Variants in PTGES3 observed in about 807,000 individuals in gnomAD.
The protein encoded by PTGES3 is prostaglandin E synthase 3, also known as Hsp90 co-chaperone.
In PTGES3, 5 loss-of-function variants were observed where a neutral mutation model predicts 29.9. The observed-to-expected ratio is 0.17, with a 90% CI of 0.09 to 0.35. The LOEUF (loss-of-function observed/expected upper bound fraction) is 0.35. PTGES3 is among the 10% of genes least tolerant of loss of function. The pLI is 1.00. For missense variants in PTGES3, 128 were observed against 190.0 expected (o/e 0.67, Z 1.92); for synonymous variants, 49 against 57.8 (o/e 0.85, Z 0.69).
rs1592295350 is a variant in PTGES3 at position 56,687,925 on chromosome 12, C to T, written c.2+73G>A. 1.0e-5 allele frequency: 16 copies of T among 1,603,436 alleles called. No individual in the cohort carries two copies. The South Asian group carries it at 1.5e-4, about 15-fold the overall frequency. On this transcript the variant is annotated intron_variant, in intron 1 of 7. Coordinates refer to ENST00000262033, the MANE Select transcript of PTGES3 (RefSeq NM_006601.7). ...CACCGATGCGAGAAAGGCTAGGGGG[C>T]CGCTTCCAGGGAGCCCCCAACGCGG...
In PTGES3 at chr12:56,688,027, C is replaced by T. The variant is rs767425892; in HGVS notation, c.-28G>A. The T allele has an allele frequency of 2.6e-6, 4 of 1,523,782 alleles. No homozygotes were observed. Among genetic ancestry groups the T allele is most frequent in the Middle Eastern group, 1.9e-4 (1 of 5,340 alleles). 94.4% of individuals were successfully genotyped at this position (1,523,782 alleles called of 1,614,324 possible). A position where few individuals can be genotyped will look rare whatever the true frequency, so the allele number is the denominator to read the frequency against. On this transcript the variant is annotated 5_prime_UTR_variant, in exon 1 of 8. Transcript: ENST00000262033. ...TGAACGGGGCAGGGGGACGGGCGAA[C>T]TGGTGGGCGGGCCTCTCTGGCGGCG... is the stretch of plus-strand genomic sequence containing the variant.
At chr12:56,665,295 T>C in intron 6 of PTGES3, 1 of 983,372 alleles carries the variant, frequency 1.0e-6, no homozygotes, top group Non-Finnish European at 1.2e-6. Context: ...TTTTTTTTTT[T>C]TTTTTTTTTG....
At chr12:56,673,997 A>G (rs998637699) in intron 1 of PTGES3, among the ~76,000 whole-genome samples, 2 of 152,046 alleles carry the variant, frequency 1.3e-5, no homozygotes, top group Admixed American at 1.3e-4. Context: ...ACACTGGTAC[A>G]TCAGAGCTTC....
At position 56,687,161 on chromosome 12, in the gene PTGES3, T is replaced by C. The variant is rs1952912822; in HGVS notation, c.2+837A>G. On this transcript the variant is annotated intron_variant, in intron 1 of 7. Coordinates refer to ENST00000262033, the MANE Select transcript of PTGES3 (RefSeq NM_006601.7). ...GAATCTGTATTCACCTCCACACAAA[T>C]TTAAGATCTTTGGGACGACTGTAGG... 7 of 1,013,212 alleles carry C rather than the reference T, an allele frequency of 6.9e-6. No individual in the cohort carries two copies. In the South Asian group the frequency reaches 3.5e-4, roughly 50 times the overall value. The allele number at this position is 1,013,212 out of a possible 1,614,324, so 62.8% of individuals were successfully genotyped here.
chr12:56,687,236 T>A, intron 1 of PTGES3: 1 of 1,023,022 alleles, frequency 9.8e-7, no homozygotes, highest in East Asian at 8.6e-5. Flanking sequence ...TGTAACAAGA[T>A]AGTGAAACCT....
chr12:56,686,971 G>A (rs1417146263), intron 1 of PTGES3: 6 of 278,794 alleles, frequency 2.2e-5, no homozygotes, highest in Admixed American at 5.8e-5. Flanking sequence ...TACCTTTTAG[G>A]ACGTAGTTAG....
intron 1 of PTGES3, among the ~76,000 whole-genome samples, chr12:56,680,385 TC>T (rs1325458169): frequency 6.6e-6 from 1 of 150,968 alleles, no homozygotes; most frequent in Non-Finnish European, 1.5e-5. Flanking sequence ...CAATTTTCTT[TC>T]TTTTTTTTTT....
chr12:56,672,994 T>C lies in PTGES3; in HGVS notation c.74A>G (p.Lys25Arg), dbSNP rs141815775. Residue 25 changes from lysine to arginine, a missense_variant, in exon 2 of 8, where the codon AAG becomes AGG. Physicochemically the swap from Lys to Arg is conservative, Grantham distance 26. Coordinates refer to ENST00000262033, the MANE Select transcript of PTGES3 (RefSeq NM_006601.7). ...VFIEFCVEDS[K>R]DVNVNFEKSK... is the part of the protein sequence containing the mutation. The stretch of plus-strand genomic sequence containing the variant: ...TTTTTCAAAATTTACATTAACATCC[T>C]TACTGTCTTCAACACAAAATTCAAT... The C allele has an allele frequency of 5.1e-4, 828 of 1,609,152 alleles. 4 individuals carry two copies. The African/African-American group carries it at 9.3e-3, about 18-fold the overall frequency.
At chr12:56,679,828 C>A (rs1162465392) in intron 1 of PTGES3, among the ~76,000 whole-genome samples, 1 of 151,990 alleles carries the variant, frequency 6.6e-6, no homozygotes, top group Non-Finnish European at 1.5e-5. Context: ...GTGCCTGCCA[C>A]CATGCCCGGC....
At chr12:56,687,820 G>A (rs1359636042) in intron 1 of PTGES3, 178 bp downstream of exon 1, 2 of 1,448,554 alleles carry the variant, frequency 1.4e-6, no homozygotes, top group South Asian at 1.4e-5. Context: ...GACATCTGGA[G>A]GAAAAATGTC....
chr12:56,677,584 T>C (rs1031253662), intron 1 of PTGES3, among the ~76,000 whole-genome samples: 6 of 152,278 alleles, frequency 3.9e-5, no homozygotes, highest in African/African-American at 1.4e-4. Context: ...ATGGAATGTG[T>C]ATGGCTTTTG....
At chr12:56,668,421 TAAAACAA>T (rs963716379) in intron 5 of PTGES3, among the ~76,000 whole-genome samples, 37 of 151,936 alleles carry the variant, frequency 2.4e-4, no homozygotes, top group East Asian at 1.7e-3. Context: ...GATAGCAAAA[TAAAACAA>T]AAAACAAAAA....
intron 3 of PTGES3, among the ~76,000 whole-genome samples, chr12:56,672,525 G>A (rs528745722): frequency 2.6e-5 from 4 of 151,956 alleles, no homozygotes; most frequent in East Asian, 3.9e-4. Flanking sequence ...AAGATGAGAC[G>A]AGCCTCAAGG....
At chr12:56,679,334 G>A (rs1056944638) in intron 1 of PTGES3, among the ~76,000 whole-genome samples, 2 of 147,616 alleles carry the variant, frequency 1.4e-5, no homozygotes, top group Admixed American at 7.0e-5. Context: ...TTGAACCCAG[G>A]AGGCGGAGGC....
intron 1 of PTGES3, chr12:56,687,565 C>T (rs745631874): frequency 2.7e-5 from 28 of 1,026,630 alleles, no homozygotes; most frequent in Non-Finnish European, 3.2e-5. Context: ...CGGCACCCAC[C>T]ACAGGTGCAC....
At chr12:56,666,695 T>C (rs1951801272) in intron 5 of PTGES3, among the ~76,000 whole-genome samples, 1 of 152,074 alleles carries the variant, frequency 6.6e-6, no homozygotes, top group Non-Finnish European at 1.5e-5. Flanking sequence ...TGGCGTGATC[T>C]CAGCTCACTG....
intron 1 of PTGES3, chr12:56,686,842 G>C (rs1952887012): frequency 2.5e-6 from 1 of 397,780 alleles, no homozygotes; most frequent in Non-Finnish European, 4.4e-6. Flanking sequence ...TCAGTATCAT[G>C]ACTTGAATCA....
chr12:56,686,043 G>C (rs1952830717), intron 1 of PTGES3, among the ~76,000 whole-genome samples: 2 of 151,884 alleles, frequency 1.3e-5, no homozygotes, highest in South Asian at 2.1e-4. Flanking sequence ...CCAAGTATAG[G>C]GATTACAGGC....
chr12:56,675,860 T>C (rs917424097), intron 1 of PTGES3, among the ~76,000 whole-genome samples: 1 of 151,692 alleles, frequency 6.6e-6, no homozygotes, highest in Non-Finnish European at 1.5e-5. Context: ...GAGGTGGAGG[T>C]TGCAGTGAGC....
Sources: gnomAD v4.1 joint callset for allele counts (sites outside exome capture counted in the v4.1 genomes callset) on GRCh38, gnomAD v4.1.1 for gene constraint, MANE v1.5 for transcripts, NCBI Gene and HGNC (gene_info 2026-07-23, HGNC 2026-07-21) for gene names.